Variants in SOD2 observed in about 807,000 individuals in gnomAD.
SOD2 encodes superoxide dismutase 2.
SOD2 carries 11 observed loss-of-function variants against 27.0 expected under a neutral mutation model. The observed-to-expected ratio is 0.41, with a 90% CI of 0.26 to 0.67. The LOEUF is 0.67. Ranked by LOEUF, SOD2 falls within the 30% of genes least tolerant of loss-of-function variation. The pLI is 0.34. For synonymous variants in SOD2, 105 were observed against 103.0 expected (o/e 1.02, Z -0.12); for missense variants, 250 against 274.5 (o/e 0.91, Z 0.63).
intron 1 of SOD2, chr6:159,742,203 T>A: frequency 7.1e-7 from 1 of 1,400,974 alleles, no homozygotes; most frequent in Non-Finnish European, 9.9e-7. Context: ...ATTGTTAAAA[T>A]CAAAAGGATA....
chr6:159,749,208 A>G (rs1235284804), upstream of SOD2: 15 of 985,764 alleles, frequency 1.5e-5, no homozygotes, highest in Non-Finnish European at 1.4e-5. Context: ...CATTATAAAC[A>G]TTCATTTCAC....
At position 159,753,625 on chromosome 6, in the gene SOD2, T is replaced by G. The variant is rs1779897576; in HGVS notation, c.-335-4949A>C. 3.1e-6 allele frequency: 5 copies of G among 1,590,632 alleles called. No homozygotes were observed. In the South Asian group the frequency reaches 4.6e-5, roughly 14 times the overall value. On this transcript the variant is annotated intron_variant, in intron 1 of 7. Transcript: ENST00000546087. ...AAAGCAGTCAGGATGGTAAGGGGTT[T>G]GTTTCTTTTTGGAACGTTGTCTCAA...
Position 159,712,056 on chromosome 6 carries a change from T to C in SOD2, c.-116+15073A>G, listed in dbSNP as rs879077275. 1.1e-3 allele frequency among the ~76,000 whole-genome samples: 30 copies of C among 26,302 alleles called. 3 individuals are homozygous for C. Among genetic ancestry groups the C allele is most frequent in the East Asian group, 2.0e-3 (3 of 1,486 alleles). 17.3% of individuals were successfully genotyped at this position (26,302 alleles called of 152,430 possible). Reference sequence around the variant, plus strand: ...GCTCAGACCTCCATAACCACCTCCATAACCACCACTCGGCTGCTCAGACCT... The same window carrying C: ...GCTCAGACCTCCATAACCACCTCCACAACCACCACTCGGCTGCTCAGACCT... On this transcript the variant is annotated intron_variant, in intron 1 of 2. Transcript: ENST00000401980.
chr6:159,752,168 A>AG (rs1217998073), intron 1 of SOD2, among the ~76,000 whole-genome samples: 1 of 152,218 alleles, frequency 6.6e-6, no homozygotes, highest in South Asian at 2.1e-4. Context: ...GGCATACTGA[A>AG]GTAGTGTATC....
intron 1 of SOD2, chr6:159,713,062 G>T: frequency 1.5e-6 from 1 of 658,184 alleles, no homozygotes; most frequent in Non-Finnish European, 2.7e-6. Flanking sequence ...ACTCTCATGA[G>T]GTTAAGAGGT....
intron 3 of SOD2, among the ~76,000 whole-genome samples, chr6:159,686,710 C>G (rs1168905299): frequency 3.3e-5 from 5 of 152,152 alleles, no homozygotes; most frequent in South Asian, 4.1e-4. Context: ...CAAGCTTACT[C>G]TCCTCATTCA....
intron 1 of SOD2, chr6:159,753,491 C>A: frequency 2.5e-6 from 4 of 1,614,136 alleles, no homozygotes; most frequent in Non-Finnish European, 3.4e-6. Context: ...GGCGAAGTGT[C>A]GAATGCTTAT....
chr6:159,676,153 T>C lies in SOD2; in HGVS notation c.*6340A>G, dbSNP rs1318336926. ...AACACTTTTACACTGGTGGTGGGAC[T>C]GTAAACTAGTTCAACCATTGTGGAA... is the stretch of plus-strand genomic sequence containing the variant. On this transcript the variant is annotated 3_prime_UTR_variant, in exon 5 of 5. Transcript: ENST00000538183. The C allele has an allele frequency of 6.6e-6, 1 of 152,246 alleles. No individual in the cohort carries two copies. The highest frequency in any genetic ancestry group is 1.5e-5 in the Non-Finnish European group (1 of 68,052). The allele number at this position is 152,246 out of a possible 1,614,324, so 9.4% of individuals were successfully genotyped here. A position where few individuals can be genotyped will look rare whatever the true frequency, so the allele number is the denominator to read the frequency against.
At chr6:159,739,971 A>G (rs1779151050) in intron 1 of SOD2, among the ~76,000 whole-genome samples, 1 of 151,778 alleles carries the variant, frequency 6.6e-6, no homozygotes, top group African/African-American at 2.4e-5. Flanking sequence ...GTATATACTT[A>G]AGATACACTA....
In SOD2 at chr6:159,672,332, C is replaced by T. The variant is rs1467259235; in HGVS notation, c.*10161G>A. The T allele has an allele frequency of 6.6e-6, 1 of 152,146 alleles. No individual in the cohort carries two copies. The allele number at this position is 152,146 out of a possible 1,614,324, so 9.4% of individuals were successfully genotyped here. ...GAAATGAAGGAAAAAATGTTAAGGG[C>T]AGCCAGAGAGAAAGGTCGGGTTACC... On this transcript the variant is annotated 3_prime_UTR_variant, in exon 5 of 5. Coordinates refer to ENST00000538183, the MANE Select transcript of SOD2 (RefSeq NM_000636.4).
chr6:159,750,171 T>C (rs1381511494), upstream of SOD2, among the ~76,000 whole-genome samples: 1 of 152,240 alleles, frequency 6.6e-6, no homozygotes, highest in East Asian at 1.9e-4. Context: ...AATTAGCTTA[T>C]GTGCTTGCAT....
chr6:159,711,176 A>C (rs1244596466), intron 1 of SOD2, among the ~76,000 whole-genome samples: 12 of 82,104 alleles, frequency 1.5e-4, no homozygotes, highest in South Asian at 7.8e-4. Flanking sequence ...TCTGATCACC[A>C]TAACCACCTC....
chr6:159,713,399 T>C, intron 1 of SOD2: 1 of 654,956 alleles, frequency 1.5e-6, no homozygotes, highest in Non-Finnish European at 2.8e-6. Flanking sequence ...GCCATGAGCT[T>C]CTGAGAGGGA....
At chr6:159,734,730 T>G (rs1432735396) in intron 1 of SOD2, among the ~76,000 whole-genome samples, 2 of 152,206 alleles carry the variant, frequency 1.3e-5, no homozygotes, top group African/African-American at 4.8e-5. Context: ...CAAATGCAAT[T>G]TAGATGCTTT....
chr6:159,684,446 G>C (rs572940966), intron 4 of SOD2, among the ~76,000 whole-genome samples: 2 of 152,058 alleles, frequency 1.3e-5, no homozygotes, highest in East Asian at 3.9e-4. Context: ...GTGAAACCCT[G>C]TCTGTACTAA....
At position 159,671,272 on chromosome 6, in the gene SOD2, T is replaced by A. The variant is rs1312482381; in HGVS notation, c.*11221A>T. On this transcript the variant is annotated 3_prime_UTR_variant, in exon 5 of 5. Coordinates refer to ENST00000538183, the MANE Select transcript of SOD2 (RefSeq NM_000636.4). The stretch of plus-strand genomic sequence containing the variant: ...GGTTCTCCCAGCACAGAGTTTGAGA[T>A]CTGAGAACGGAGAGACTGCCTCCTC... The A allele has an allele frequency of 6.6e-6, 1 of 152,352 alleles. No homozygotes were observed. Among genetic ancestry groups the A allele is most frequent in the Non-Finnish European group, 1.5e-5 (1 of 68,146 alleles). The allele number at this position is 152,352 out of a possible 1,614,324, so 9.4% of individuals were successfully genotyped here.
upstream of SOD2, among the ~76,000 whole-genome samples, chr6:159,747,821 A>ATG (rs1779663262): frequency 2.0e-5 from 3 of 152,210 alleles, no homozygotes; most frequent in African/African-American, 7.2e-5. Context: ...AGTAAAATGT[A>ATG]TGTAGCCACT....
At chr6:159,742,018 T>A (rs1327555082) in intron 1 of SOD2, 1 of 1,121,540 alleles carries the variant, frequency 8.9e-7, no homozygotes, top group African/African-American at 1.6e-5. Flanking sequence ...TGTGAGTTTA[T>A]AGATATCTTC....
intron 1 of SOD2, chr6:159,727,079 C>T: frequency 8.3e-7 from 1 of 1,202,854 alleles, no homozygotes; most frequent in Non-Finnish European, 1.1e-6. Context: ...TGCCCTGGGG[C>T]TGACCTCCGA....
Sources: allele counts gnomAD v4.1 joint callset (sites outside exome capture counted in the v4.1 genomes callset), GRCh38; gene constraint gnomAD v4.1.1; transcripts MANE v1.5; gene names NCBI Gene and HGNC (gene_info 2026-07-23, HGNC 2026-07-21).